Variants in L3MBTL4 observed in about 807,000 individuals in gnomAD.
The protein encoded by L3MBTL4 is lethal(3)malignant brain tumor-like protein 4.
Under a neutral mutation model 84.5 loss-of-function variants are expected in L3MBTL4, and 70 were observed. The ratio of observed to expected loss-of-function variants is 0.83; its 90% confidence interval spans 0.68 to 1.01. The LOEUF (loss-of-function observed/expected upper bound fraction) is 1.01. L3MBTL4 is among the 50% of genes least tolerant of loss of function. L3MBTL4 has a pLI of 0.00. For synonymous variants in L3MBTL4, 274 were observed against 259.8 expected (o/e 1.05, Z -0.52); for missense variants, 715 against 754.8 (o/e 0.95, Z 0.62).
rs564231879 is a variant in L3MBTL4, at chr18:6,093,188, A to C, written c.1373+167T>G. Among the ~76,000 whole-genome samples the C allele has an allele frequency of 2.0e-5, 3 of 152,378 alleles. No homozygotes were observed. In the South Asian group the frequency reaches 6.2e-4, roughly 32 times the overall value. The stretch of plus-strand genomic sequence containing the variant: ...GCAAAATAAAATATTTTTTAAATGA[A>C]GATCAAGGCTTAGATGAATTTTATC... On this transcript the variant is annotated intron_variant, in intron 15 of 18. Transcript: ENST00000317931.
At chr18:6,195,163 ATCT>A (rs1236615283) in intron 12 of L3MBTL4, among the ~76,000 whole-genome samples, 13 of 152,204 alleles carry the variant, frequency 8.5e-5, no homozygotes, top group Non-Finnish European at 1.6e-4. Context: ...AGGAAAAGAA[ATCT>A]TCTGATGTTG....
At chr18:6,269,588 G>A in intron 4 of L3MBTL4, among the ~76,000 whole-genome samples, 1 of 152,116 alleles carries the variant, frequency 6.6e-6, no homozygotes, top group East Asian at 1.9e-4. Flanking sequence ...TTCTAACAAT[G>A]CAAAAGGAAT....
chr18:6,203,588 A>T (rs1599134885), intron 12 of L3MBTL4, among the ~76,000 whole-genome samples: 2 of 151,726 alleles, frequency 1.3e-5, no homozygotes, highest in South Asian at 4.2e-4. Context: ...AAAACCTACC[A>T]CCCTCCTTGG....
At chr18:6,037,765 G>T (rs980165380) in intron 16 of L3MBTL4, among the ~76,000 whole-genome samples, 1 of 152,162 alleles carries the variant, frequency 6.6e-6, no homozygotes. Flanking sequence ...CAGGCTTAAA[G>T]GATTGTGGTT....
chr18:5,957,027 T>C (rs1220250797), intron 18 of L3MBTL4, among the ~76,000 whole-genome samples: 1 of 152,346 alleles, frequency 6.6e-6, no homozygotes, highest in East Asian at 1.9e-4. Flanking sequence ...ATATTTAAAA[T>C]ATTTTGAAGT....
At chr18:6,177,274 A>C (rs2044264523) in intron 12 of L3MBTL4, among the ~76,000 whole-genome samples, 1 of 152,256 alleles carries the variant, frequency 6.6e-6, no homozygotes, top group Non-Finnish European at 1.5e-5. Context: ...CATAAAACGA[A>C]TGCTAGTTCA....
chr18:6,343,382 G>A (rs1272355892), intron 1 of L3MBTL4, among the ~76,000 whole-genome samples: 6 of 152,074 alleles, frequency 3.9e-5, no homozygotes, highest in Non-Finnish European at 8.8e-5. Flanking sequence ...GTTGTAAATC[G>A]GCTGGGTGCG....
At chr18:6,080,805 CCAAA>C (rs1161108809) in intron 16 of L3MBTL4, 72 bp downstream of exon 16, 5 of 1,107,952 alleles carry the variant, frequency 4.5e-6, no homozygotes, top group Non-Finnish European at 5.2e-6. Flanking sequence ...AATGATAAAA[CCAAA>C]CAGTCAAACA....
At chr18:6,170,984 G>A (rs1165408931) in intron 13 of L3MBTL4, among the ~76,000 whole-genome samples, 1 of 152,186 alleles carries the variant, frequency 6.6e-6, no homozygotes, top group Non-Finnish European at 1.5e-5. Flanking sequence ...TGTAGTTTTT[G>A]AAGAACCTAG....
intron 1 of L3MBTL4, among the ~76,000 whole-genome samples, chr18:6,394,161 T>C (rs2055175272): frequency 6.6e-6 from 1 of 152,182 alleles, no homozygotes; most frequent in Non-Finnish European, 1.5e-5. Context: ...CCATAACATT[T>C]AGCACCTTTT....
At chr18:6,044,544 T>C (rs1459450825) in intron 16 of L3MBTL4, among the ~76,000 whole-genome samples, 1 of 152,174 alleles carries the variant, frequency 6.6e-6, no homozygotes, top group African/African-American at 2.4e-5. Flanking sequence ...AGTAGAGGTG[T>C]TGGTGCCAGT....
intron 16 of L3MBTL4, among the ~76,000 whole-genome samples, chr18:5,976,102 C>T (rs1385842147): frequency 6.6e-6 from 1 of 152,164 alleles, no homozygotes; most frequent in African/African-American, 2.4e-5. Context: ...CACCTGTGTA[C>T]TATCCAATAA....
chr18:6,015,654 G>T (rs1053459496), intron 16 of L3MBTL4, among the ~76,000 whole-genome samples: 1 of 152,172 alleles, frequency 6.6e-6, no homozygotes, highest in African/African-American at 2.4e-5. Flanking sequence ...AGGGGAGAAA[G>T]CACTTACAAA....
intron 16 of L3MBTL4, among the ~76,000 whole-genome samples, chr18:6,074,088 G>GT (rs1400231543): frequency 1.3e-5 from 2 of 151,962 alleles, no homozygotes; most frequent in South Asian, 2.1e-4. Flanking sequence ...TTTTTTGTTT[G>GT]TTTTTTGCCA....
intron 16 of L3MBTL4, among the ~76,000 whole-genome samples, chr18:6,076,728 A>G (rs2057867083): frequency 1.3e-5 from 2 of 152,216 alleles, no homozygotes; most frequent in Non-Finnish European, 2.9e-5. Context: ...GGATTTATCA[A>G]CAATGCTTAT....
At chr18:6,404,554 T>C (rs17412287) in intron 1 of L3MBTL4, among the ~76,000 whole-genome samples, 24,057 of 152,254 alleles carry the variant, frequency 0.16, 1,936 homozygotes, top group African/African-American at 0.17. Context: ...AAGGATATGC[T>C]AGTCCTGTGC....
chr18:6,182,901 A>G (rs1422335679), intron 12 of L3MBTL4, among the ~76,000 whole-genome samples: 2 of 152,212 alleles, frequency 1.3e-5, no homozygotes, highest in Admixed American at 6.5e-5. Context: ...ACTTATTTAA[A>G]TAGTCAGAAA....
intron 5 of L3MBTL4, among the ~76,000 whole-genome samples, chr18:6,263,100 C>T (rs2048476945): frequency 6.6e-6 from 1 of 152,036 alleles, no homozygotes; most frequent in Non-Finnish European, 1.5e-5. Context: ...CAGCAAAACC[C>T]TGTCTCTACT....
chr18:6,110,191 G>C (rs1254830922), intron 14 of L3MBTL4, among the ~76,000 whole-genome samples: 3 of 152,148 alleles, frequency 2.0e-5, no homozygotes, highest in Non-Finnish European at 4.4e-5. Context: ...GACCCCTATT[G>C]AGTTTCAAAA....
Sources: allele counts gnomAD v4.1 joint callset (sites outside exome capture counted in the v4.1 genomes callset), GRCh38; gene constraint gnomAD v4.1.1; transcripts MANE v1.5; gene names NCBI Gene and HGNC (gene_info 2026-07-23, HGNC 2026-07-21).